The following CFAP99 variants were observed in gnomAD, a reference collection of about 807,000 sequenced individuals.
CFAP99 encodes cilia- and flagella-associated protein 99.
In CFAP99, 84 loss-of-function variants were observed where a neutral mutation model predicts 82.7. The ratio of observed to expected loss-of-function variants is 1.02; its 90% CI spans 0.85 to 1.22. The LOEUF is 1.22. Ranked by LOEUF, CFAP99 falls within the 50% of genes most tolerant of loss-of-function variation. The probability of loss-of-function intolerance (pLI) is 0.00; values close to 1 mark genes in which losing one functional copy is unlikely to be tolerated. For synonymous variants in CFAP99, 456 were observed against 429.5 expected (o/e 1.06, Z -0.76); for missense variants, 1,059 against 983.5 (o/e 1.08, Z -1.03).
intron 12 of CFAP99, 28 bp from the exon 13 acceptor site, chr4:2,459,079 C>T (rs1368375944): frequency 6.1e-6 from 9 of 1,484,406 alleles, no homozygotes; most frequent in Non-Finnish European, 8.0e-6. Context: ...ACCCACCAGC[C>T]ACCTCAGCTC....
chr4:2,443,174 C>G (rs1734089465), exon 5 of CFAP99: 3 of 1,535,604 alleles, frequency 2.0e-6, no homozygotes. Flanking sequence ...GCTCATGGAT[C>G]AAGGATGAGT....
rs1019883783 is a variant in CFAP99, at chr4:2,462,934, C to G, written c.*8C>G. 2.8e-5 allele frequency: 36 copies of G among 1,278,056 alleles called. No homozygotes were observed. The highest frequency in any genetic ancestry group is 3.4e-5 in the Non-Finnish European group (35 of 1,016,042). 79.2% of individuals were successfully genotyped at this position (1,278,056 alleles called of 1,614,324 possible). The stretch of plus-strand genomic sequence containing the variant: ...CGCCTGGAGGCCGCCTGAGCCGGGC[C>G]GAGCGCGCCCCACCCGCTTGCGGGC... On this transcript the variant is annotated 3_prime_UTR_variant, in exon 15 of 15. Coordinates refer to ENST00000635017, the Ensembl canonical transcript of CFAP99. This position sits in a 1 kb window ranked among gnomAD's most constrained non-coding sequence, Gnocchi z 4.1.
chr4:2,440,641 G>A (rs1349741629), intron 4 of CFAP99, among the ~76,000 whole-genome samples: 6 of 151,728 alleles, frequency 4.0e-5, no homozygotes, highest in Admixed American at 3.9e-4. Flanking sequence ...CCCCCAGGCT[G>A]GAGTGCAGTG....
chr4:2,443,579 T>G (rs1334067447), intron 5 of CFAP99, among the ~76,000 whole-genome samples: 1 of 152,164 alleles, frequency 6.6e-6, no homozygotes, highest in South Asian at 2.1e-4. Context: ...GGAGCCTACA[T>G]GCTGGCTGGG....
chr4:2,438,832 A>G (rs1452530834), intron 4 of CFAP99, among the ~76,000 whole-genome samples: 1 of 152,186 alleles, frequency 6.6e-6, no homozygotes, highest in African/African-American at 2.4e-5. Flanking sequence ...GTGTGGGTGA[A>G]TGTGCTGCTT....
At chr4:2,441,329 C>T (rs181772180) in intron 4 of CFAP99, among the ~76,000 whole-genome samples, 33 of 144,642 alleles carry the variant, frequency 2.3e-4, no homozygotes, top group African/African-American at 6.7e-4. Context: ...GCTGAGATGG[C>T]GCCATTGCAC....
At chr4:2,453,009 G>A (rs1433592146) in intron 11 of CFAP99, among the ~76,000 whole-genome samples, 1 of 152,184 alleles carries the variant, frequency 6.6e-6, no homozygotes, top group African/African-American at 2.4e-5. Flanking sequence ...GTTGCAGTGA[G>A]CCGTGATCAT....
At chr4:2,461,562 C>T (rs555949124) in intron 14 of CFAP99, among the ~76,000 whole-genome samples, 3 of 152,322 alleles carry the variant, frequency 2.0e-5, no homozygotes, top group African/African-American at 7.2e-5. Flanking sequence ...TCACTTCCAG[C>T]TGCTGGCCAC....
At chr4:2,450,054 A>C in intron 8 of CFAP99, 49 bp downstream of exon 8, 1 of 1,520,488 alleles carries the variant, frequency 6.6e-7, no homozygotes, top group Non-Finnish European at 8.8e-7. Context: ...CATCTTCTCA[A>C]GCCATCAGAA....
chr4:2,437,384 G>A (rs925382860), intron 3 of CFAP99, among the ~76,000 whole-genome samples: 1 of 152,200 alleles, frequency 6.6e-6, no homozygotes, highest in Non-Finnish European at 1.5e-5. Flanking sequence ...TCCTGTGGGG[G>A]ATTAGATACA....
intron 2 of CFAP99, among the ~76,000 whole-genome samples, chr4:2,434,184 C>G (rs923854663): frequency 5.9e-5 from 9 of 152,204 alleles, no homozygotes; most frequent in African/African-American, 1.7e-4. Flanking sequence ...ATGTCCGCCC[C>G]AGTATCCGGG....
chr4:2,441,835 C>G (rs1734048553), intron 4 of CFAP99, among the ~76,000 whole-genome samples: 1 of 152,198 alleles, frequency 6.6e-6, no homozygotes, highest in East Asian at 1.9e-4. Flanking sequence ...CCAGGGAAGC[C>G]CCTGGGCCAC....
chr4:2,454,279 G>A (rs1407179646), intron 11 of CFAP99, among the ~76,000 whole-genome samples: 1 of 152,134 alleles, frequency 6.6e-6, no homozygotes, highest in African/African-American at 2.4e-5. Context: ...GGGATTACAG[G>A]CATGAGCCAC....
At chr4:2,452,223 G>A (rs907699603) in exon 11 of CFAP99, 44 of 1,536,044 alleles carry the variant, frequency 2.9e-5, no homozygotes, top group Middle Eastern at 3.3e-4. Flanking sequence ...AGGACCGGGA[G>A]GAGCAGCTGG....
chr4:2,437,569 C>T (rs1311302474), intron 3 of CFAP99, among the ~76,000 whole-genome samples: 7 of 152,172 alleles, frequency 4.6e-5, no homozygotes, highest in Non-Finnish European at 8.8e-5. Context: ...GGGGCGAGCG[C>T]TGTAGGGTAC....
intron 14 of CFAP99, among the ~76,000 whole-genome samples, chr4:2,460,741 CT>C (rs1452229422): frequency 1.3e-5 from 2 of 152,102 alleles, no homozygotes; most frequent in Non-Finnish European, 2.9e-5. Context: ...TGTTGGCCAA[CT>C]GTTTTTTGTT....
chr4:2,442,858 C>T (rs995032679), intron 4 of CFAP99, among the ~76,000 whole-genome samples: 2 of 150,674 alleles, frequency 1.3e-5, no homozygotes, highest in African/African-American at 4.9e-5. Flanking sequence ...ACACCCTGCG[C>T]GGTGGCCTTG....
chr4:2,431,217 A>C (rs1283610224), intron 2 of CFAP99, among the ~76,000 whole-genome samples: 3 of 151,300 alleles, frequency 2.0e-5, no homozygotes, highest in Non-Finnish European at 4.4e-5. Context: ...AAATACAAAA[A>C]AATTAGCCAG....
intron 2 of CFAP99, among the ~76,000 whole-genome samples, chr4:2,432,507 T>C (rs1733818936): frequency 6.6e-6 from 1 of 152,190 alleles, no homozygotes; most frequent in Non-Finnish European, 1.5e-5. Context: ...GCATTACTGA[T>C]GAGCAGGTAT....
Sources: gnomAD v4.1 joint callset for allele counts (sites outside exome capture counted in the v4.1 genomes callset) on GRCh38, gnomAD v4.1.1 for gene constraint, Gnocchi (gnomAD v3.1) non-coding constraint, MANE v1.5 for transcripts, NCBI Gene and HGNC (gene_info 2026-07-23, HGNC 2026-07-21) for gene names.